The following ITPKB variants were observed in gnomAD, a reference collection of about 807,000 sequenced individuals.
ITPKB encodes inositol-trisphosphate 3-kinase B.
ITPKB carries 13 observed loss-of-function variants against 69.4 expected under a neutral mutation model. That is an observed-to-expected ratio of 0.19 (90% confidence interval 0.12 to 0.30). The LOEUF is 0.30. ITPKB is among the 10% of genes least tolerant of loss of function. The pLI, the probability that ITPKB is intolerant of heterozygous loss-of-function variation, is 1.00. For missense variants in ITPKB, 1,240 were observed against 1,250.5 expected (o/e 0.99, Z 0.13); for synonymous variants, 584 against 513.7 (o/e 1.14, Z -1.85).
chr1:226,699,319 G>C (rs1379659161), intron 2 of ITPKB, among the ~76,000 whole-genome samples: 1 of 152,226 alleles, frequency 6.6e-6, no homozygotes, highest in African/African-American at 2.4e-5. Flanking sequence ...GCACCGCCAA[G>C]CACCCTCCGG....
chr1:226,642,030 G>A lies in ITPKB; in HGVS notation c.2342C>T (p.Pro781Leu), dbSNP rs775754706. 1 of 1,614,178 alleles carries A rather than the reference G, an allele frequency of 6.2e-7. No homozygotes were observed. Among genetic ancestry groups the A allele is most frequent in the South Asian group, 1.1e-5 (1 of 91,092 alleles). Residue 781 changes from proline (P) to leucine (L), a missense_variant, in exon 5 of 8, where the codon CCC becomes CTC. Physicochemically the swap from Pro to Leu is moderately conservative, Grantham distance 98. This residue lies in a region of ITPKB where 248 missense variants were observed against 396.7 expected (regional missense o/e 0.63). Transcript: ENST00000429204. This position sits in a 1 kb window ranked among gnomAD's most constrained non-coding sequence, Gnocchi z 6.4. ...QKMIEVDPEA[P>L]TEEEKAQRAV... ...CCGCTGTGCTTTTTCCTCCTCGGTG[G>A]GGGCCTCGGGGTCCACCTCGATCAT...
chr1:226,666,285 C>T (rs1181222192), intron 2 of ITPKB, among the ~76,000 whole-genome samples: 1 of 152,214 alleles, frequency 6.6e-6, no homozygotes, highest in Non-Finnish European at 1.5e-5. Context: ...GGGCAAGACT[C>T]AGCAAGGTCT....
intron 2 of ITPKB, among the ~76,000 whole-genome samples, chr1:226,701,657 G>A (rs1656644699): frequency 1.3e-5 from 2 of 148,988 alleles, no homozygotes; most frequent in Admixed American, 1.3e-4. Flanking sequence ...TTTCTCCAAG[G>A]ACTTAATCTC....
chr1:226,643,240 G>A (rs552355734), intron 4 of ITPKB, among the ~76,000 whole-genome samples: 2 of 152,178 alleles, frequency 1.3e-5, no homozygotes, highest in South Asian at 2.1e-4. Flanking sequence ...CTGAGCTGCC[G>A]GGACACGCCA....
chr1:226,722,062 C>A (rs1222431913), intron 2 of ITPKB, among the ~76,000 whole-genome samples: 1 of 152,154 alleles, frequency 6.6e-6, no homozygotes, highest in Non-Finnish European at 1.5e-5. Flanking sequence ...ATCCACCCAC[C>A]TCAGCCTCTC....
intron 2 of ITPKB, among the ~76,000 whole-genome samples, chr1:226,649,366 G>GTA (rs1163683317): frequency 7.3e-6 from 1 of 136,514 alleles, no homozygotes; most frequent in African/African-American, 2.7e-5. Flanking sequence ...ATGTGCATGT[G>GTA]TGCATGTGAT....
In ITPKB at chr1:226,735,611, C is replaced by T; in HGVS notation, c.1848G>A (p.Glu616=). The change falls in exon 2 of 8, where the codon GAG becomes GAA. Residue 616 remains glutamate (E), a synonymous_variant. Coordinates refer to ENST00000429204, the MANE Select transcript of ITPKB (RefSeq NM_002221.4). The part of the protein sequence containing the change: ...TGFSSSYEDS[E]EDISSDPERT... ...GCTCAGGGTCACTGGAGATGTCCTC[C>T]TCTGAGTCTTCGTAGGATGAGGAGA... 4 of 1,608,568 alleles carry T rather than the reference C, an allele frequency of 2.5e-6. No homozygotes were observed. Among genetic ancestry groups the T allele is most frequent in the Non-Finnish European group, 2.5e-6 (3 of 1,177,106 alleles).
At chr1:226,638,290 C>T (rs539860149) in intron 6 of ITPKB, among the ~76,000 whole-genome samples, 1 of 152,244 alleles carries the variant, frequency 6.6e-6, no homozygotes, top group Non-Finnish European at 1.5e-5. Flanking sequence ...AATTGGAGGA[C>T]TTGGGCTACG....
chr1:226,680,303 AAGCG>A (rs1157779294), intron 2 of ITPKB, among the ~76,000 whole-genome samples: 3 of 152,230 alleles, frequency 2.0e-5, no homozygotes, highest in Admixed American at 6.5e-5. Context: ...CCAAAAGAGC[AAGCG>A]AGTTCCTGAA....
At chr1:226,647,413 C>T (rs757000066) in intron 3 of ITPKB, 33 bp from the exon 4 acceptor site, 22 of 1,545,276 alleles carry the variant, frequency 1.4e-5, no homozygotes, top group Middle Eastern at 1.7e-4. Flanking sequence ...TCCTGGTCTC[C>T]GGCTGCAGGT....
chr1:226,705,166 C>T (rs549185607), intron 2 of ITPKB, among the ~76,000 whole-genome samples: 5 of 152,288 alleles, frequency 3.3e-5, no homozygotes, highest in Admixed American at 2.6e-4. Flanking sequence ...ATTCCTTTAT[C>T]CCTCATCTCA....
In ITPKB at chr1:226,736,381, T is replaced by C. The variant is rs746685185; in HGVS notation, c.1078A>G (p.Arg360Gly). ...LGSETSPAPE[R>G]GGPRDGEPPG... ...GGTTCTCCATCGCGGGGCCCGCCCCTTTCTGGGGCTGGGCTTGTCTCACTG... is the reference window on the plus strand; with the variant it reads ...GGTTCTCCATCGCGGGGCCCGCCCCCTTCTGGGGCTGGGCTTGTCTCACTG... Residue 360 changes from arginine to glycine, a missense_variant, in exon 2 of 8, where the codon AGG becomes GGG. Transcript: ENST00000429204. 7.4e-6 allele frequency: 12 copies of C among 1,612,422 alleles called. No individual in the cohort carries two copies. Among genetic ancestry groups the C allele is most frequent in the African/African-American group, 1.3e-5 (1 of 74,904 alleles).
intron 2 of ITPKB, among the ~76,000 whole-genome samples, chr1:226,704,166 C>T (rs2102632668): frequency 6.6e-6 from 1 of 152,258 alleles, no homozygotes; most frequent in African/African-American, 2.4e-5. Flanking sequence ...TTCCGTTTAC[C>T]TTTACAGTAT....
In ITPKB at chr1:226,674,729, C is replaced by T. The variant is rs958559322; in HGVS notation, c.1933-25958G>A. Among the ~76,000 whole-genome samples the T allele has an allele frequency of 1.8e-4, 28 of 152,098 alleles. 1 individual carries two copies. Among genetic ancestry groups the T allele is most frequent in the African/African-American group, 6.5e-4 (27 of 41,480 alleles). The stretch of plus-strand genomic sequence containing the variant: ...CCTTTCCTGACCCTTTCCTTGTATC[C>T]CCCATTCCCTTTCGATTTCTTCACC... On this transcript the variant is annotated intron_variant, in intron 2 of 7. Transcript: ENST00000429204.
intron 2 of ITPKB, chr1:226,657,342 G>T (rs1355182697): frequency 1.3e-5 from 2 of 152,184 alleles, no homozygotes; most frequent in African/African-American, 2.4e-5. Context: ...TCTAGAGGGG[G>T]TTTACATTCT....
intron 2 of ITPKB, among the ~76,000 whole-genome samples, chr1:226,671,525 G>A (rs536281569): frequency 6.6e-6 from 1 of 152,208 alleles, no homozygotes; most frequent in Non-Finnish European, 1.5e-5. Context: ...TGAACACAAC[G>A]AAGTCCCTAT....
intron 2 of ITPKB, among the ~76,000 whole-genome samples, chr1:226,666,902 A>C (rs920974535): frequency 2.6e-5 from 4 of 152,002 alleles, no homozygotes; most frequent in Middle Eastern, 3.4e-3. Flanking sequence ...GCCTCTCCCC[A>C]CCAATGCGTC....
rs3832012 is a variant in ITPKB, at chr1:226,631,823, CG to C, written c.*2847del. 0.59 allele frequency: 89,306 copies of C among 151,590 alleles called. 27,044 individuals are homozygous for C. Among genetic ancestry groups the C allele is most frequent in the South Asian group, 0.71 (3,389 of 4,786 alleles). 9.4% of individuals were successfully genotyped at this position (151,590 alleles called of 1,614,324 possible). The stretch of plus-strand genomic sequence containing the variant: ...AACAGGAAGAGAGCCTCTCGGCAGG[CG>C]GGGGGGGTCCTCTCCTCCAGAACAA... On this transcript the variant is annotated 3_prime_UTR_variant, in exon 8 of 8. Transcript: ENST00000429204.
intron 2 of ITPKB, among the ~76,000 whole-genome samples, chr1:226,731,850 T>C (rs923635544): frequency 5.3e-5 from 8 of 152,152 alleles, no homozygotes; most frequent in African/African-American, 1.7e-4. Context: ...CCTGAGCTCA[T>C]AACCCCACAA....
Sources: gnomAD v4.1 joint callset for allele counts (sites outside exome capture counted in the v4.1 genomes callset) on GRCh38, gnomAD v4.1.1 for gene constraint, gnomAD v4.1.1 regional missense constraint, Gnocchi (gnomAD v3.1) non-coding constraint, MANE v1.5 for transcripts, NCBI Gene and HGNC (gene_info 2026-07-23, HGNC 2026-07-21) for gene names.